Variants in LCORL observed in about 807,000 individuals in gnomAD.
LCORL encodes ligand dependent nuclear receptor corepressor like, also known as ligand-dependent nuclear receptor corepressor-like protein.
LCORL carries 41 observed loss-of-function variants against 141.8 expected under a neutral mutation model. That is an observed-to-expected ratio of 0.29 (90% CI 0.23 to 0.38). The LOEUF (loss-of-function observed/expected upper bound fraction) is 0.38. Among genes scored for constraint, LCORL ranks in the 10% least tolerant of loss-of-function variants. LCORL has a pLI of 1.00. For synonymous variants in LCORL, 618 were observed against 694.1 expected (o/e 0.89, Z 1.72); for missense variants, 1,759 against 2,035.0 (o/e 0.86, Z 2.61).
At chr4:17,881,916 T>C (rs1207358692) in intron 6 of LCORL, 1 of 983,452 alleles carries the variant, frequency 1.0e-6, no homozygotes, top group African/African-American at 1.8e-5. Context: ...GCTTAATTCT[T>C]TAAAAAGAAA....
chr4:17,963,520 A>G (rs1263942589), intron 2 of LCORL, among the ~76,000 whole-genome samples: 4 of 152,012 alleles, frequency 2.6e-5, no homozygotes, highest in Admixed American at 2.6e-4. Context: ...GAAAACAAGT[A>G]AAAGTCTATA....
intron 4 of LCORL, among the ~76,000 whole-genome samples, chr4:17,919,499 T>C (rs776408358): frequency 6.6e-6 from 1 of 152,206 alleles, no homozygotes; most frequent in African/African-American, 2.4e-5. Context: ...CAGTTCCAGA[T>C]GACTGGAAAA....
intron 1 of LCORL, among the ~76,000 whole-genome samples, chr4:18,009,640 G>C (rs1460009679): frequency 6.6e-6 from 1 of 151,936 alleles, no homozygotes; most frequent in Non-Finnish European, 1.5e-5. Flanking sequence ...CCTACCCCCT[G>C]GTATCTACTG....
intron 1 of LCORL, among the ~76,000 whole-genome samples, chr4:17,999,009 C>A (rs62410185): frequency 8.4e-4 from 83 of 99,382 alleles, no homozygotes; most frequent in African/African-American, 3.6e-3. Flanking sequence ...TATATACACA[C>A]ATATATATAT....
At chr4:17,966,550 A>G (rs1284844451) in intron 2 of LCORL, among the ~76,000 whole-genome samples, 1 of 152,160 alleles carries the variant, frequency 6.6e-6, no homozygotes, top group Non-Finnish European at 1.5e-5. Flanking sequence ...GATGATTTCC[A>G]TACAATCTGT....
intron 4 of LCORL, among the ~76,000 whole-genome samples, chr4:17,927,774 G>A (rs1369079978): frequency 1.3e-5 from 2 of 151,950 alleles, no homozygotes; most frequent in South Asian, 2.1e-4. Flanking sequence ...ATAACATCAA[G>A]GATCACCATA....
At chr4:17,951,318 C>T (rs904757698) in intron 4 of LCORL, among the ~76,000 whole-genome samples, 1 of 152,166 alleles carries the variant, frequency 6.6e-6, no homozygotes, top group Admixed American at 6.5e-5. Context: ...TAAAGAAACA[C>T]AGACAATCTC....
intron 7 of LCORL, among the ~76,000 whole-genome samples, chr4:17,855,459 C>T (rs560283039): frequency 6.6e-6 from 1 of 152,278 alleles, no homozygotes; most frequent in Admixed American, 6.5e-5. Flanking sequence ...CATCTATCTG[C>T]CTTCTCAAGA....
chr4:17,946,288 G>C (rs1400872895), intron 4 of LCORL, among the ~76,000 whole-genome samples: 2 of 151,858 alleles, frequency 1.3e-5, no homozygotes, highest in African/African-American at 4.8e-5. Flanking sequence ...CAATTTTTCT[G>C]AACTGTATTA....
chr4:17,897,824 G>A (rs1333300512), intron 5 of LCORL, among the ~76,000 whole-genome samples: 1 of 152,084 alleles, frequency 6.6e-6, no homozygotes, highest in Non-Finnish European at 1.5e-5. Context: ...GGCTCATCTT[G>A]TACATTTCCT....
At chr4:17,959,360 A>G (rs1048135266) in intron 4 of LCORL, among the ~76,000 whole-genome samples, 3 of 152,056 alleles carry the variant, frequency 2.0e-5, no homozygotes, top group Admixed American at 1.3e-4. Flanking sequence ...CACACAGAAC[A>G]CTGTTCATTT....
chr4:17,854,262 A>G (rs1404904055), intron 7 of LCORL, among the ~76,000 whole-genome samples: 1 of 152,186 alleles, frequency 6.6e-6, no homozygotes, highest in African/African-American at 2.4e-5. Flanking sequence ...TGGGATTGTT[A>G]AAAGAATTTA....
At chr4:17,886,577 A>G (rs1728298270) in intron 5 of LCORL, among the ~76,000 whole-genome samples, 1 of 152,070 alleles carries the variant, frequency 6.6e-6, no homozygotes, top group Non-Finnish European at 1.5e-5. Flanking sequence ...GATGATGAGT[A>G]AGAGAATTGA....
intron 4 of LCORL, among the ~76,000 whole-genome samples, chr4:17,922,654 T>C (rs1279105731): frequency 6.6e-6 from 1 of 152,118 alleles, no homozygotes; most frequent in Non-Finnish European, 1.5e-5. Context: ...CACAAGCTCT[T>C]ATCATGCGAG....
At chr4:17,926,812 G>T (rs981214821) in intron 4 of LCORL, among the ~76,000 whole-genome samples, 6 of 152,178 alleles carry the variant, frequency 3.9e-5, no homozygotes. Context: ...AGGCTTTGTT[G>T]TTCTACAAAT....
intron 1 of LCORL, among the ~76,000 whole-genome samples, chr4:18,006,223 G>A (rs1722788310): frequency 6.6e-6 from 1 of 152,096 alleles, no homozygotes; most frequent in Admixed American, 6.5e-5. Flanking sequence ...CATAAAAAGA[G>A]TCACCTTTGC....
At chr4:17,927,000 A>C (rs1345335016) in intron 4 of LCORL, among the ~76,000 whole-genome samples, 1 of 152,226 alleles carries the variant, frequency 6.6e-6, no homozygotes, top group Non-Finnish European at 1.5e-5. Context: ...TGAAAGCCCT[A>C]GACGGCGTCT....
chr4:17,957,448 G>GA (rs557148691), intron 4 of LCORL, among the ~76,000 whole-genome samples: 190 of 152,058 alleles, frequency 1.2e-3, no homozygotes, highest in Middle Eastern at 3.4e-3. Flanking sequence ...TTCTGTTGAT[G>GA]GAAGACCAGA....
chr4:17,889,173 G>T (rs1033006443), intron 5 of LCORL, among the ~76,000 whole-genome samples: 1 of 151,936 alleles, frequency 6.6e-6, no homozygotes, highest in Non-Finnish European at 1.5e-5. Flanking sequence ...CAACTATAGC[G>T]CATTTTAATC....
Sources: allele counts gnomAD v4.1 joint callset (sites outside exome capture counted in the v4.1 genomes callset), GRCh38; gene constraint gnomAD v4.1.1; transcripts MANE v1.5; gene names NCBI Gene and HGNC (gene_info 2026-07-23, HGNC 2026-07-21).